STPG4: variants seen among roughly 807,000 people sequenced by gnomAD.
The protein encoded by STPG4 is sperm-tail PG-rich repeat containing 4, also known as protein STPG4.
In STPG4, 41 loss-of-function variants were observed where a neutral mutation model predicts 31.5. The ratio of observed to expected loss-of-function variants is 1.30; its 90% CI spans 1.01 to 1.69. The LOEUF (loss-of-function observed/expected upper bound fraction) is 1.69. STPG4 is among the 40% of genes most tolerant of loss of function. The pLI is 0.00. For missense variants in STPG4, 375 were observed against 293.4 expected (o/e 1.28, Z -2.03); for synonymous variants, 141 against 103.0 (o/e 1.37, Z -2.24).
Position 47,155,265 on chromosome 2 carries a change from C to G in STPG4, c.-14G>C, listed in dbSNP as rs201581895. 4.3e-5 allele frequency: 69 copies of G among 1,613,974 alleles called. 1 individual carries two copies. The African/African-American group carries it at 8.4e-4, about 20-fold the overall frequency. ...TGGCTGGTCCATGGTGGCCTCCTCT[C>G]TCTCTAGGCTGAACCTGAGCTCCGG... is the stretch of plus-strand genomic sequence containing the variant. On this transcript the variant is annotated 5_prime_UTR_variant, in exon 1 of 7. Transcript: ENST00000445927.
rs140933686 is a variant in STPG4 at position 47,133,367 on chromosome 2, A to G, written c.400-3107T>C. 1.2e-3 allele frequency among the ~76,000 whole-genome samples: 184 copies of G among 151,838 alleles called. 1 individual carries two copies. The highest frequency in any genetic ancestry group is 4.3e-3 in the African/African-American group (179 of 41,410). On this transcript the variant is annotated intron_variant, in intron 3 of 6. Transcript: ENST00000445927. ...ATTATTGTAGAGTTGAGATCTCACT[A>G]TGTTGCCAGGGCTGGTCTCAAACTC...
intron 5 of STPG4, among the ~76,000 whole-genome samples, chr2:47,118,539 A>G (rs560432401): frequency 3.9e-5 from 6 of 152,196 alleles, no homozygotes; most frequent in Admixed American, 3.9e-4. Context: ...CCCCACTCCA[A>G]CCCTGGTCCA....
At chr2:47,101,985 C>T (rs936686247) in intron 5 of STPG4, among the ~76,000 whole-genome samples, 2 of 151,780 alleles carry the variant, frequency 1.3e-5, no homozygotes, top group Non-Finnish European at 2.9e-5. Flanking sequence ...GGTCGGTCCT[C>T]CCTGTGGTCT....
chr2:47,087,014 T>C lies in STPG4; in HGVS notation c.741A>G (p.Leu247=). Residue 247 remains leucine (L), a synonymous_variant, in exon 7 of 7, where the codon TTA becomes TTG. Coordinates refer to ENST00000445927, the MANE Select transcript of STPG4 (RefSeq NM_001163561.2). The part of the protein sequence containing the change: ...SLFFNNNNWL[L]K ...GCTTGGTGCCAAGATCACTTTATTT[T>C]AAAAGCCAATTGTTGTTGTTGAAGA... 1 of 1,551,722 alleles carries C rather than the reference T, an allele frequency of 6.4e-7. No individual in the cohort carries two copies. The highest frequency in any genetic ancestry group is 1.2e-5 in the South Asian group (1 of 84,066).
intron 3 of STPG4, among the ~76,000 whole-genome samples, chr2:47,148,668 T>C (rs2103804671): frequency 6.6e-6 from 1 of 152,284 alleles, no homozygotes; most frequent in African/African-American, 2.4e-5. Flanking sequence ...CTCCTAATGC[T>C]ATCCCTCTCC....
intron 5 of STPG4, among the ~76,000 whole-genome samples, chr2:47,121,721 T>C (rs1558680146): frequency 6.6e-6 from 1 of 152,194 alleles, no homozygotes; most frequent in Non-Finnish European, 1.5e-5. Flanking sequence ...AGGGCCATGC[T>C]CCCTCCAGAG....
intron 3 of STPG4, among the ~76,000 whole-genome samples, chr2:47,141,010 C>T (rs2103794507): frequency 6.6e-6 from 1 of 152,090 alleles, no homozygotes; most frequent in East Asian, 1.9e-4. Flanking sequence ...CCTTAGCCTC[C>T]CGAGTAGCTG....
intron 5 of STPG4, among the ~76,000 whole-genome samples, chr2:47,103,947 G>A (rs1685850966): frequency 1.3e-5 from 2 of 151,970 alleles, no homozygotes. Context: ...GAGGAATCCT[G>A]GGACAGTCTG....
At chr2:47,135,588 T>C (rs532633595) in intron 3 of STPG4, among the ~76,000 whole-genome samples, 58 of 152,250 alleles carry the variant, frequency 3.8e-4, no homozygotes, top group African/African-American at 1.4e-3. Flanking sequence ...GGTTTCACTA[T>C]ATTGGCCAGG....
At chr2:47,099,360 AG>A (rs1373091550) in intron 5 of STPG4, among the ~76,000 whole-genome samples, 3 of 152,228 alleles carry the variant, frequency 2.0e-5, no homozygotes, top group Non-Finnish European at 4.4e-5. Flanking sequence ...CTGCTGCCCC[AG>A]GTGTGAGAGC....
At chr2:47,090,231 C>T (rs1446060565) in intron 6 of STPG4, 39 bp downstream of exon 6, 1 of 1,420,036 alleles carries the variant, frequency 7.0e-7, no homozygotes, top group South Asian at 1.2e-5. Context: ...TAACCATACC[C>T]CTAGGGGTGG....
intron 5 of STPG4, among the ~76,000 whole-genome samples, chr2:47,122,224 G>A (rs1448987361): frequency 6.6e-6 from 1 of 152,042 alleles, no homozygotes; most frequent in African/African-American, 2.4e-5. Flanking sequence ...TAATTTTATA[G>A]ATAATGCTAT....
chr2:47,148,061 C>T (rs768094611), intron 3 of STPG4, among the ~76,000 whole-genome samples: 1 of 151,638 alleles, frequency 6.6e-6, no homozygotes, highest in Non-Finnish European at 1.5e-5. Context: ...AAGCAATTCT[C>T]GTGCCTCAGC....
At chr2:47,151,997 T>C (rs1686948960) in intron 2 of STPG4, among the ~76,000 whole-genome samples, 1 of 151,862 alleles carries the variant, frequency 6.6e-6, no homozygotes, top group South Asian at 2.1e-4. Context: ...TCTCCTGACC[T>C]TGTGATCCGC....
At chr2:47,134,931 C>T (rs1199145025) in intron 3 of STPG4, among the ~76,000 whole-genome samples, 1 of 152,162 alleles carries the variant, frequency 6.6e-6, no homozygotes. Context: ...TCTTAATTTG[C>T]ATTTCCCTGA....
intron 3 of STPG4, among the ~76,000 whole-genome samples, chr2:47,134,677 G>C (rs1190154666): frequency 2.0e-5 from 3 of 152,216 alleles, no homozygotes; most frequent in Non-Finnish European, 4.4e-5. Context: ...CCATGTGCAG[G>C]CTTTTGGGTG....
intron 1 of STPG4, among the ~76,000 whole-genome samples, chr2:47,153,846 G>A (rs1686980471): frequency 6.6e-6 from 1 of 152,118 alleles, no homozygotes; most frequent in South Asian, 2.1e-4. Flanking sequence ...ATAAATGGTA[G>A]CTTTAATTTT....
chr2:47,105,856 GAGA>G (rs770236649), intron 5 of STPG4, among the ~76,000 whole-genome samples: 3 of 152,086 alleles, frequency 2.0e-5, no homozygotes, highest in Non-Finnish European at 4.4e-5. Flanking sequence ...AATATGGAAA[GAGA>G]AGGAGTTCCT....
At chr2:47,115,372 C>A (rs190002270) in intron 5 of STPG4, among the ~76,000 whole-genome samples, 263 of 152,170 alleles carry the variant, frequency 1.7e-3, no homozygotes, top group Non-Finnish European at 2.7e-3. Flanking sequence ...GGATCTGCTC[C>A]TTTGTTTTGC....
Sources: allele counts gnomAD v4.1 joint callset (sites outside exome capture counted in the v4.1 genomes callset), GRCh38; gene constraint gnomAD v4.1.1; transcripts MANE v1.5; gene names NCBI Gene and HGNC (gene_info 2026-07-23, HGNC 2026-07-21).